Variants in SFN observed in about 807,000 individuals in gnomAD.
SFN encodes stratifin, also known as 14-3-3 protein sigma.
SFN carries 5 observed loss-of-function variants against 19.1 expected under a neutral mutation model. That is an observed-to-expected ratio of 0.26 (90% confidence interval 0.14 to 0.55). The LOEUF is 0.55. Ranked by LOEUF, SFN falls within the 20% of genes least tolerant of loss-of-function variation. The probability of loss-of-function intolerance (pLI) is 0.94; values close to 1 mark genes in which losing one functional copy is unlikely to be tolerated. For synonymous variants in SFN, 130 were observed against 140.9 expected, an observed-to-expected ratio of 0.92 and a Z score of 0.55; for missense variants, 287 against 330.0, an observed-to-expected ratio of 0.87 and a Z score of 1.01.
Position 26,863,902 on chromosome 1 carries a change from G to T in SFN, c.690G>T (p.Trp230Cys). 1 of 1,614,112 alleles carries T rather than the reference G, an allele frequency of 6.2e-7. No individual in the cohort carries two copies. Among genetic ancestry groups the T allele is most frequent in the Non-Finnish European group, 8.5e-7 (1 of 1,180,004 alleles). The stretch of plus-strand genomic sequence containing the variant: ...TGCTGCGAGACAACCTGACACTGTG[G>T]ACGGCCGACAACGCCGGGGAAGAGG... Reference protein sequence around the residue: ...MQLLRDNLTLWTADNAGEEGG... With the variant: ...MQLLRDNLTLCTADNAGEEGG... The change falls in exon 1 of 1, where the codon TGG (tryptophan) becomes TGT (cysteine). Residue 230 changes from tryptophan to cysteine, a missense_variant. Transcript: ENST00000339276. The surrounding 1 kb of genome is among the most constrained non-coding windows in gnomAD (Gnocchi z 7.4).
Position 26,864,332 on chromosome 1 carries a change from T to A in SFN, c.*373T>A. 1 of 98,566 alleles carries A rather than the reference T, an allele frequency of 1.0e-5. No homozygotes were observed. The highest frequency in any genetic ancestry group is 2.6e-5 in the Non-Finnish European group (1 of 38,132). The allele number at this position is 98,566 out of a possible 1,614,324, so 6.1% of individuals were successfully genotyped here. A position where few individuals can be genotyped will look rare whatever the true frequency, so the allele number is the denominator to read the frequency against. ...GACAGTGGCAGGGGCTGGAGATGGG[T>A]GTGTGTGTGTGTGTGTGTGTGTGTG... On this transcript the variant is annotated 3_prime_UTR_variant, in exon 1 of 1. Transcript: ENST00000339276. This position sits in a 1 kb window ranked among gnomAD's most constrained non-coding sequence, Gnocchi z 5.2.
chr1:26,863,986 C>T lies in SFN; in HGVS notation c.*27C>T. On this transcript the variant is annotated 3_prime_UTR_variant, in exon 1 of 1. Transcript: ENST00000339276. The surrounding 1 kb of genome is among the most constrained non-coding windows in gnomAD (Gnocchi z 7.4). ...TGTTGCCCGCCACCGCCCCGCCCTG[C>T]CCCCTCCAGTCCCCCACCCTGCCGA... 1 of 1,528,906 alleles carries T rather than the reference C, an allele frequency of 6.5e-7. No homozygotes were observed. The allele number at this position is 1,528,906 out of a possible 1,614,324, so 94.7% of individuals were successfully genotyped here. A position where few individuals can be genotyped will look rare whatever the true frequency, so the allele number is the denominator to read the frequency against.
Position 26,863,983 on chromosome 1 carries a change from C to A in SFN, c.*24C>A. On this transcript the variant is annotated 3_prime_UTR_variant, in exon 1 of 1. Transcript: ENST00000339276. The surrounding 1 kb of genome is among the most constrained non-coding windows in gnomAD (Gnocchi z 7.4). ...GAGTGTTGCCCGCCACCGCCCCGCC[C>A]TGCCCCCTCCAGTCCCCCACCCTGC... The A allele has an allele frequency of 6.4e-7, 1 of 1,559,330 alleles. No homozygotes were observed. Among genetic ancestry groups the A allele is most frequent in the East Asian group, 2.3e-5 (1 of 43,686 alleles).
Position 26,863,809 on chromosome 1 carries a change from C to G in SFN, c.597C>G (p.Asp199Glu). ...EAISLAKTTFDEAMADLHTLS... is the reference protein window; with the variant it reads ...EAISLAKTTFEEAMADLHTLS... ...TCTCTCTGGCCAAGACCACTTTCGA[C>G]GAGGCCATGGCTGATCTGCACACCC... The change falls in exon 1 of 1, where the codon GAC becomes GAG. Residue 199 changes from aspartate (D) to glutamate (E), a missense_variant. Transcript: ENST00000339276. This position sits in a 1 kb window ranked among gnomAD's most constrained non-coding sequence, Gnocchi z 7.4. The G allele has an allele frequency of 6.2e-7, 1 of 1,614,122 alleles. No homozygotes were observed. Among genetic ancestry groups the G allele is most frequent in the South Asian group, 1.1e-5 (1 of 91,072 alleles).
chr1:26,863,836 C>G lies in SFN; in HGVS notation c.624C>G (p.Leu208=). The G allele has an allele frequency of 1.2e-6, 2 of 1,614,186 alleles. No individual in the cohort carries two copies. The highest frequency in any genetic ancestry group is 2.2e-5 in the East Asian group (1 of 44,888). ...FDEAMADLHT[L]SEDSYKDSTL... is the part of the protein sequence containing the mutation. Reference sequence around the variant, plus strand: ...AGGCCATGGCTGATCTGCACACCCTCAGCGAGGACTCCTACAAAGACAGCA... The same window carrying G: ...AGGCCATGGCTGATCTGCACACCCTGAGCGAGGACTCCTACAAAGACAGCA... Residue 208 remains leucine (L), a synonymous_variant, in exon 1 of 1, where the codon CTC becomes CTG. Coordinates refer to ENST00000339276, the MANE Select transcript of SFN (RefSeq NM_006142.5). The surrounding 1 kb of genome is among the most constrained non-coding windows in gnomAD (Gnocchi z 7.4).
chr1:26,863,741 T>A lies in SFN; in HGVS notation c.529T>A (p.Ser177Thr). ...PIRLGLALNF[S>T]VFHYEIANSP... ...CCGCCTGGGCCTGGCCCTGAACTTT[T>A]CCGTCTTCCACTACGAGATCGCCAA... The change falls in exon 1 of 1, where the codon TCC (serine) becomes ACC (threonine). Residue 177 changes from serine (S) to threonine (T), a missense_variant. Transcript: ENST00000339276. The surrounding 1 kb of genome is among the most constrained non-coding windows in gnomAD (Gnocchi z 7.4). 2 of 1,614,010 alleles carry A rather than the reference T, an allele frequency of 1.2e-6. No individual in the cohort carries two copies. The highest frequency in any genetic ancestry group is 1.7e-6 in the Non-Finnish European group (2 of 1,179,994).
In SFN at chr1:26,863,995, G is replaced by A. The variant is rs1246779289; in HGVS notation, c.*36G>A. 1 of 1,397,266 alleles carries A rather than the reference G, an allele frequency of 7.2e-7. No homozygotes were observed. The highest frequency in any genetic ancestry group is 9.6e-7 in the Non-Finnish European group (1 of 1,044,018). The allele number at this position is 1,397,266 out of a possible 1,614,324, so 86.6% of individuals were successfully genotyped here. A position where few individuals can be genotyped will look rare whatever the true frequency, so the allele number is the denominator to read the frequency against. On this transcript the variant is annotated 3_prime_UTR_variant, in exon 1 of 1. Transcript: ENST00000339276. The surrounding 1 kb of genome is among the most constrained non-coding windows in gnomAD (Gnocchi z 7.4). ...CCACCGCCCCGCCCTGCCCCCTCCA[G>A]TCCCCCACCCTGCCGAGAGGACTAG...
rs1570682907 is a variant in SFN at position 26,864,330 on chromosome 1, G to T, written c.*371G>T. ...TGGACAGTGGCAGGGGCTGGAGATG[G>T]GTGTGTGTGTGTGTGTGTGTGTGTG... On this transcript the variant is annotated 3_prime_UTR_variant, in exon 1 of 1. Transcript: ENST00000339276. The surrounding 1 kb of genome is among the most constrained non-coding windows in gnomAD (Gnocchi z 5.2). The T allele has an allele frequency of 2.0e-5, 4 of 201,822 alleles. No individual in the cohort carries two copies. Among genetic ancestry groups the T allele is most frequent in the Admixed American group, 6.1e-5 (1 of 16,396 alleles). 12.5% of individuals were successfully genotyped at this position (201,822 alleles called of 1,614,324 possible).
chr1:26,863,887 C>T lies in SFN; in HGVS notation c.675C>T (p.Asp225=). 1 of 1,614,168 alleles carries T rather than the reference C, an allele frequency of 6.2e-7. No individual in the cohort carries two copies. Among genetic ancestry groups the T allele is most frequent in the Non-Finnish European group, 8.5e-7 (1 of 1,180,014 alleles). ...CCCTCATCATGCAGCTGCTGCGAGA[C>T]AACCTGACACTGTGGACGGCCGACA... ...DSTLIMQLLR[D]NLTLWTADNA... Residue 225 remains aspartate (D), a synonymous_variant, in exon 1 of 1, where the codon GAC becomes GAT. Transcript: ENST00000339276. The surrounding 1 kb of genome is among the most constrained non-coding windows in gnomAD (Gnocchi z 7.4).
Position 26,863,612 on chromosome 1 carries a change from G to A in SFN, c.400G>A (p.Val134Met). The change falls in exon 1 of 1, where the codon GTG (valine) becomes ATG (methionine). Residue 134 changes from valine to methionine, a missense_variant. By Grantham distance (21) the Val-to-Met change is conservative. Coordinates refer to ENST00000339276, the MANE Select transcript of SFN (RefSeq NM_006142.5). The surrounding 1 kb of genome is among the most constrained non-coding windows in gnomAD (Gnocchi z 7.4). ...TGACTACTACCGCTACCTGGCCGAG[G>A]TGGCCACCGGTGACGACAAGAAGCG... Reference protein sequence around the residue: ...KGDYYRYLAEVATGDDKKRII... With the variant: ...KGDYYRYLAEMATGDDKKRII... The A allele has an allele frequency of 6.2e-7, 1 of 1,614,098 alleles. No homozygotes were observed. Among genetic ancestry groups the A allele is most frequent in the Non-Finnish European group, 8.5e-7 (1 of 1,180,010 alleles).
rs1384124244 is a variant in SFN at position 26,863,654 on chromosome 1, C to A, written c.442C>A (p.Arg148=). The part of the protein sequence containing the change: ...DDKKRIIDSA[R]SAYQEAMDIS... ...CAAGAAGCGCATCATTGACTCAGCC[C>A]GGTCAGCCTACCAGGAGGCCATGGA... Residue 148 remains arginine (R), a synonymous_variant, in exon 1 of 1, where the codon CGG becomes AGG. Coordinates refer to ENST00000339276, the MANE Select transcript of SFN (RefSeq NM_006142.5). The surrounding 1 kb of genome is among the most constrained non-coding windows in gnomAD (Gnocchi z 7.4). 1 of 1,613,950 alleles carries A rather than the reference C, an allele frequency of 6.2e-7. No individual in the cohort carries two copies. Among genetic ancestry groups the A allele is most frequent in the South Asian group, 1.1e-5 (1 of 91,084 alleles).
chr1:26,863,970 C>T lies in SFN; in HGVS notation c.*11C>T, dbSNP rs1057125524. On this transcript the variant is annotated 3_prime_UTR_variant, in exon 1 of 1. Coordinates refer to ENST00000339276, the MANE Select transcript of SFN (RefSeq NM_006142.5). The surrounding 1 kb of genome is among the most constrained non-coding windows in gnomAD (Gnocchi z 7.4). Reference sequence around the variant, plus strand: ...GAGCCCCAGAGCTGAGTGTTGCCCGCCACCGCCCCGCCCTGCCCCCTCCAG... The same window carrying T: ...GAGCCCCAGAGCTGAGTGTTGCCCGTCACCGCCCCGCCCTGCCCCCTCCAG... The T allele has an allele frequency of 3.8e-6, 6 of 1,591,108 alleles. No individual in the cohort carries two copies. The African/African-American group carries it at 8.1e-5, about 21-fold the overall frequency.
At position 26,863,500 on chromosome 1, in the gene SFN, C is replaced by T; in HGVS notation, c.288C>T (p.Cys96=). 1.9e-6 allele frequency: 3 copies of T among 1,613,950 alleles called. No homozygotes were observed. The highest frequency in any genetic ancestry group is 1.3e-5 in the African/African-American group (1 of 75,030). ...EKVETELQGV[C]DTVLGLLDSH... ...TGGAGACTGAGCTCCAGGGCGTGTG[C>T]GACACCGTGCTGGGCCTGCTGGACA... is the stretch of plus-strand genomic sequence containing the variant. Residue 96 remains cysteine, a synonymous_variant, in exon 1 of 1, where the codon TGC becomes TGT. Transcript: ENST00000339276. The surrounding 1 kb of genome is among the most constrained non-coding windows in gnomAD (Gnocchi z 7.4).
At position 26,864,319 on chromosome 1, in the gene SFN, G is replaced by T; in HGVS notation, c.*360G>T. The T allele has an allele frequency of 3.1e-6, 1 of 324,438 alleles. No individual in the cohort carries two copies. The highest frequency in any genetic ancestry group is 6.1e-6 in the Non-Finnish European group (1 of 164,224). The allele number at this position is 324,438 out of a possible 1,614,324, so 20.1% of individuals were successfully genotyped here. On this transcript the variant is annotated 3_prime_UTR_variant, in exon 1 of 1. Transcript: ENST00000339276. This position sits in a 1 kb window ranked among gnomAD's most constrained non-coding sequence, Gnocchi z 5.2. ...TGGCTGAGAACTGGACAGTGGCAGG[G>T]GCTGGAGATGGGTGTGTGTGTGTGT...
In SFN at chr1:26,863,740, T is replaced by C; in HGVS notation, c.528T>C (p.Phe176=). ...TCCGCCTGGGCCTGGCCCTGAACTT[T>C]TCCGTCTTCCACTACGAGATCGCCA... ...NPIRLGLALN[F]SVFHYEIANS... Residue 176 remains phenylalanine (F), a synonymous_variant, in exon 1 of 1, where the codon TTT becomes TTC. Transcript: ENST00000339276. This position sits in a 1 kb window ranked among gnomAD's most constrained non-coding sequence, Gnocchi z 7.4. The C allele has an allele frequency of 1.2e-6, 2 of 1,613,886 alleles. No individual in the cohort carries two copies. The highest frequency in any genetic ancestry group is 2.2e-5 in the East Asian group (1 of 44,894).
In SFN at chr1:26,864,364, T is replaced by TGTGTGTGTGC. The variant is rs746458233; in HGVS notation, c.*406_*407insTGTGTGTGCG. The TGTGTGTGTGC allele has an allele frequency of 8.6e-5, 16 of 187,110 alleles. No homozygotes were observed. Among genetic ancestry groups the TGTGTGTGTGC allele is most frequent in the African/African-American group, 1.7e-4 (7 of 40,904 alleles). 11.6% of individuals were successfully genotyped at this position (187,110 alleles called of 1,614,324 possible). A position where few individuals can be genotyped will look rare whatever the true frequency, so the allele number is the denominator to read the frequency against. ...GTGTGTGTGTGTGTGTGTGTGTGTG[T>TGTGTGTGTGC]GCGCGCGCGCCAGTGCAAGACCGAG... On this transcript the variant is annotated 3_prime_UTR_variant, in exon 1 of 1. Coordinates refer to ENST00000339276, the MANE Select transcript of SFN (RefSeq NM_006142.5). The surrounding 1 kb of genome is among the most constrained non-coding windows in gnomAD (Gnocchi z 5.2).
Position 26,863,362 on chromosome 1 carries a change from C to T in SFN, c.150C>T (p.Asn50=). The T allele has an allele frequency of 6.2e-7, 1 of 1,614,002 alleles. No homozygotes were observed. Among genetic ancestry groups the T allele is most frequent in the Non-Finnish European group, 8.5e-7 (1 of 1,179,900 alleles). ...ERNLLSVAYK[N]VVGGQRAAWR... is the part of the protein sequence containing the mutation. ...ACCTGCTCTCAGTAGCCTATAAGAACGTGGTGGGCGGCCAGAGGGCTGCCT... is the reference window on the plus strand; with the variant it reads ...ACCTGCTCTCAGTAGCCTATAAGAATGTGGTGGGCGGCCAGAGGGCTGCCT... Residue 50 remains asparagine (N), a synonymous_variant, in exon 1 of 1, where the codon AAC becomes AAT. Coordinates refer to ENST00000339276, the MANE Select transcript of SFN (RefSeq NM_006142.5). The surrounding 1 kb of genome is among the most constrained non-coding windows in gnomAD (Gnocchi z 7.4).
rs149812347 is a variant in SFN, at chr1:26,863,695, G to C, written c.483G>C (p.Glu161Asp). ...AGGCCATGGACATCAGCAAGAAGGA[G>C]ATGCCGCCCACCAACCCCATCCGCC... ...YQEAMDISKK[E>D]MPPTNPIRLG... The change falls in exon 1 of 1, where the codon GAG (glutamate) becomes GAC (aspartate). Residue 161 changes from glutamate (E) to aspartate (D), a missense_variant. Transcript: ENST00000339276. The surrounding 1 kb of genome is among the most constrained non-coding windows in gnomAD (Gnocchi z 7.4). 116 of 1,614,098 alleles carry C rather than the reference G, an allele frequency of 7.2e-5. 1 individual carries two copies. The African/African-American group carries it at 1.1e-3, about 15-fold the overall frequency.
Position 26,863,202 on chromosome 1 carries a change from T to C in SFN, c.-11T>C. 6.2e-7 allele frequency: 1 copy of C among 1,612,794 alleles called. No individual in the cohort carries two copies. Among genetic ancestry groups the C allele is most frequent in the Non-Finnish European group, 8.5e-7 (1 of 1,179,492 alleles). On this transcript the variant is annotated 5_prime_UTR_variant, in exon 1 of 1. Coordinates refer to ENST00000339276, the MANE Select transcript of SFN (RefSeq NM_006142.5). The surrounding 1 kb of genome is among the most constrained non-coding windows in gnomAD (Gnocchi z 7.4). ...AGTTAGCCCGCCGCCCGCCTGTGTG[T>C]CCCCAGAGCCATGGAGAGAGCCAGT...
Sources: allele counts gnomAD v4.1 joint callset, GRCh38; gene constraint gnomAD v4.1.1; non-coding constraint Gnocchi (gnomAD v3.1); transcripts MANE v1.5; gene names NCBI Gene and HGNC (gene_info 2026-07-23, HGNC 2026-07-21).